The following CMIP variants were observed in gnomAD, a reference collection of about 807,000 sequenced individuals.
CMIP encodes C-Maf-inducing protein.
A neutral mutation model predicts 97.3 loss-of-function variants in CMIP; 13 were observed. The ratio of observed to expected loss-of-function variants is 0.13; its 90% CI spans 0.09 to 0.21. The LOEUF (loss-of-function observed/expected upper bound fraction) is 0.21. CMIP is among the 10% of genes least tolerant of loss of function. CMIP has a pLI of 1.00. For missense variants in CMIP, 847 were observed against 1,024.9 expected, an observed-to-expected ratio of 0.83 and a Z score of 2.37; for synonymous variants, 538 against 436.3, an observed-to-expected ratio of 1.23 and a Z score of -2.91.
chr16:81,693,892 A>G (rs1484015546), intron 13 of CMIP, among the ~76,000 whole-genome samples: 1 of 152,202 alleles, frequency 6.6e-6, no homozygotes, highest in Non-Finnish European at 1.5e-5. Context: ...CATGGTGGCC[A>G]AGGGTTTCCC....
intron 1 of CMIP, among the ~76,000 whole-genome samples, chr16:81,538,488 G>A (rs11644696): frequency 0.35 from 53,683 of 152,116 alleles, 11,908 homozygotes; most frequent in Non-Finnish European, 0.48. Flanking sequence ...GGGCCAGCCT[G>A]TGTCTCCATG....
At chr16:81,474,678 T>C (rs1206062261) in intron 1 of CMIP, among the ~76,000 whole-genome samples, 1 of 152,222 alleles carries the variant, frequency 6.6e-6, no homozygotes, top group Non-Finnish European at 1.5e-5. Context: ...GGAACCACTG[T>C]CCGCCTGCGG....
At chr16:81,551,248 C>T (rs1363950386) in intron 1 of CMIP, among the ~76,000 whole-genome samples, 1 of 151,738 alleles carries the variant, frequency 6.6e-6, no homozygotes, top group Non-Finnish European at 1.5e-5. Flanking sequence ...TTTCATCACA[C>T]ACCCCAGTTC....
intron 1 of CMIP, among the ~76,000 whole-genome samples, chr16:81,569,735 A>G (rs906209634): frequency 3.9e-5 from 6 of 152,252 alleles, no homozygotes; most frequent in African/African-American, 7.2e-5. Context: ...GGAGCTGGAA[A>G]GAGCTGGCTT....
chr16:81,499,981 G>A (rs1213955065), intron 1 of CMIP, among the ~76,000 whole-genome samples: 1 of 152,180 alleles, frequency 6.6e-6, no homozygotes, highest in African/African-American at 2.4e-5. Context: ...GCTTTGCTTG[G>A]GCTGCTGACT....
chr16:81,518,199 C>A (rs2089953080), intron 1 of CMIP: 1 of 152,374 alleles, frequency 6.6e-6, no homozygotes, highest in Admixed American at 6.5e-5. Context: ...CTATTTGGCT[C>A]TCACTTTGGT....
chr16:81,501,278 G>C (rs1374657043), intron 1 of CMIP, among the ~76,000 whole-genome samples: 6 of 152,224 alleles, frequency 3.9e-5, no homozygotes, highest in Non-Finnish European at 8.8e-5. Context: ...AACAACTTTG[G>C]GTTGTGACGC....
chr16:81,648,627 A>G (rs966712552), intron 3 of CMIP, among the ~76,000 whole-genome samples: 1 of 152,058 alleles, frequency 6.6e-6, no homozygotes, highest in South Asian at 2.1e-4. Context: ...TACTAAAAAT[A>G]CAAAAATTAG....
intron 1 of CMIP, among the ~76,000 whole-genome samples, chr16:81,598,453 G>A (rs79402533): frequency 0.019 from 2,928 of 152,314 alleles, 84 homozygotes; most frequent in East Asian, 0.14. Flanking sequence ...GATACGGAGC[G>A]TTTGCATCAT....
At chr16:81,511,849 A>C (rs556496244) in intron 1 of CMIP, among the ~76,000 whole-genome samples, 4 of 152,340 alleles carry the variant, frequency 2.6e-5, no homozygotes, top group Admixed American at 6.5e-5. Context: ...CGTGTGAGCC[A>C]CTGCACCTGG....
chr16:81,492,312 A>C (rs1001360242), intron 1 of CMIP, among the ~76,000 whole-genome samples: 4 of 152,018 alleles, frequency 2.6e-5, no homozygotes, highest in African/African-American at 9.7e-5. Flanking sequence ...AATTAACTTC[A>C]CGTGTTGAAA....
At chr16:81,448,663 T>C (rs1906017856) in intron 1 of CMIP, among the ~76,000 whole-genome samples, 1 of 152,244 alleles carries the variant, frequency 6.6e-6, no homozygotes. Flanking sequence ...GCGTGCCTAA[T>C]GTGGCTTGTG....
intron 1 of CMIP, among the ~76,000 whole-genome samples, chr16:81,529,291 G>T (rs898435965): frequency 6.6e-6 from 1 of 152,244 alleles, no homozygotes; most frequent in East Asian, 1.9e-4. Context: ...GAGATTGGGG[G>T]CACATGGTTT....
intron 3 of CMIP, among the ~76,000 whole-genome samples, chr16:81,624,197 A>AT (rs1365995406): frequency 1.3e-5 from 2 of 150,678 alleles, no homozygotes; most frequent in Non-Finnish European, 2.9e-5. Flanking sequence ...CTCAGCTTGA[A>AT]TTTTTTAACT....
chr16:81,553,077 G>A (rs992810279), intron 1 of CMIP, among the ~76,000 whole-genome samples: 1 of 152,214 alleles, frequency 6.6e-6, no homozygotes, highest in African/African-American at 2.4e-5. Context: ...TAAATGTTGT[G>A]AAGACCAGTT....
intron 7 of CMIP, among the ~76,000 whole-genome samples, chr16:81,669,705 T>A (rs1198490689): frequency 8.2e-5 from 7 of 85,336 alleles, no homozygotes; most frequent in African/African-American, 2.5e-4. Context: ...CACATTCACC[T>A]CCTCCCATAC....
intron 3 of CMIP, chr16:81,631,475 CAA>C (rs1346566689): frequency 6.6e-6 from 1 of 152,150 alleles, no homozygotes; most frequent in African/African-American, 2.4e-5. Flanking sequence ...GGGTACAAAT[CAA>C]AAAGAGTTAC....
chr16:81,461,384 T>C (rs532105878), intron 1 of CMIP, among the ~76,000 whole-genome samples: 65 of 152,350 alleles, frequency 4.3e-4, no homozygotes, highest in African/African-American at 1.4e-3. Context: ...TTCATCTAGT[T>C]CTGGGATGGC....
chr16:81,541,883 G>T (rs1024253706), intron 1 of CMIP, among the ~76,000 whole-genome samples: 2 of 152,192 alleles, frequency 1.3e-5, no homozygotes, highest in East Asian at 3.8e-4. Context: ...AAAAGATGGA[G>T]AACATATACA....
Sources: gnomAD v4.1 joint callset for allele counts (sites outside exome capture counted in the v4.1 genomes callset) on GRCh38, gnomAD v4.1.1 for gene constraint, MANE v1.5 for transcripts, NCBI Gene and HGNC (gene_info 2026-07-23, HGNC 2026-07-21) for gene names.